Variants in VDAC3 observed in about 807,000 individuals in gnomAD.
VDAC3 encodes voltage dependent anion channel 3, also known as non-selective voltage-gated ion channel VDAC3.
A neutral mutation model predicts 33.9 loss-of-function variants in VDAC3; 7 were observed. The ratio of observed to expected loss-of-function variants is 0.21; its 90% confidence interval spans 0.12 to 0.39. The LOEUF is 0.39. Among genes scored for constraint, VDAC3 ranks in the 10% least tolerant of loss-of-function variants. The pLI, the probability that VDAC3 is intolerant of heterozygous loss-of-function variation, is 1.00. For synonymous variants in VDAC3, 100 were observed against 122.4 expected (o/e 0.82, Z 1.21); for missense variants, 261 against 334.5 (o/e 0.78, Z 1.71).
At chr8:42,395,209 G>C in intron 4 of VDAC3, 76 bp downstream of exon 4, 1 of 1,587,378 alleles carries the variant, frequency 6.3e-7, no homozygotes, top group East Asian at 2.3e-5. Context: ...TGACAGTCTA[G>C]TTACTTGAAC....
At position 42,395,958 on chromosome 8, in the gene VDAC3, T is replaced by TA. The variant is rs543863402; in HGVS notation, c.117+842dup. On this transcript the variant is annotated intron_variant, in intron 4 of 9. Coordinates refer to ENST00000022615, the MANE Select transcript of VDAC3 (RefSeq NM_005662.7). Reference sequence around the variant, plus strand: ...TGGGTGACAGAGTGAGACTTTGTCTTAAAAAAAAAAAAAAAAAGGCCAGGT... The same window carrying TA: ...TGGGTGACAGAGTGAGACTTTGTCTTAAAAAAAAAAAAAAAAAAGGCCAGGT... Among the ~76,000 whole-genome samples, 370 of 119,938 alleles carry TA rather than the reference T, an allele frequency of 3.1e-3. 2 individuals are homozygous for TA. Among genetic ancestry groups the TA allele is most frequent in the Non-Finnish European group, 2.9e-3 (159 of 55,594 alleles). 78.7% of individuals were successfully genotyped at this position (119,938 alleles called of 152,430 possible).
intron 7 of VDAC3, 184 bp downstream of exon 7, chr8:42,402,199 CTGG>C: frequency 1.5e-6 from 1 of 649,102 alleles, no homozygotes; most frequent in Non-Finnish European, 2.6e-6. Context: ...GGCTGTGCTG[CTGG>C]TGGTCACTGG....
chr8:42,393,069 T>A (rs1474857348), intron 1 of VDAC3, among the ~76,000 whole-genome samples: 1 of 151,872 alleles, frequency 6.6e-6, no homozygotes, highest in Non-Finnish European at 1.5e-5. Flanking sequence ...TCCTCTTTAA[T>A]TTTTTTTTCT....
chr8:42,393,894 G>A lies in VDAC3; in HGVS notation c.-3+10G>A. The A allele has an allele frequency of 2.3e-6, 1 of 429,532 alleles. No individual in the cohort carries two copies. Among genetic ancestry groups the A allele is most frequent in the East Asian group, 3.4e-5 (1 of 29,212 alleles). The allele number at this position is 429,532 out of a possible 1,614,324, so 26.6% of individuals were successfully genotyped here. ...GAGAGATTTTTCTAAGGTAAATTTT[G>A]CATATATTTTTAAAAGAAGTCCAGT... On this transcript the variant is annotated intron_variant, in intron 2 of 9. Coordinates refer to ENST00000022615, the MANE Select transcript of VDAC3 (RefSeq NM_005662.7).
At chr8:42,402,051 A>G (rs1279664291) in intron 7 of VDAC3, 36 bp downstream of exon 7, 1 of 1,593,624 alleles carries the variant, frequency 6.3e-7, no homozygotes, top group Non-Finnish European at 8.6e-7. Context: ...GTATCAGTGC[A>G]GTTGCCCAAA....
chr8:42,403,335 T>C lies in VDAC3; in HGVS notation c.576T>C (p.Gly192=), dbSNP rs749866305. The C allele has an allele frequency of 1.5e-5, 24 of 1,614,040 alleles. No individual in the cohort carries two copies. In the African/African-American group the frequency reaches 2.9e-4, roughly 20 times the overall value. Residue 192 remains glycine, a synonymous_variant, in exon 8 of 10, where the codon GGT becomes GGC. Coordinates refer to ENST00000022615, the MANE Select transcript of VDAC3 (RefSeq NM_005662.7). ...THVNDGTEFG[G]SIYQKVNEKI... is the part of the protein sequence containing the mutation. ...GGAACGATGGCACTGAATTTGGAGG[T>C]TCTATCTACCAGAAGGTGAATGAGA...
chr8:42,403,520 ATGT>A lies in VDAC3; in HGVS notation c.702+63_702+65del, dbSNP rs1323337938. ...ATGTTTGTGTCTAAGTTTTCAGAGAATGTTGTGATATGAGTGTAGTTTGCTTGT... is the reference window on the plus strand; with the variant it reads ...ATGTTTGTGTCTAAGTTTTCAGAGAATGTGATATGAGTGTAGTTTGCTTGT... On this transcript the variant is annotated intron_variant, in intron 8 of 9. Coordinates refer to ENST00000022615, the MANE Select transcript of VDAC3 (RefSeq NM_005662.7). 5.5e-5 allele frequency: 80 copies of A among 1,456,986 alleles called. No individual in the cohort carries two copies. In the South Asian group the frequency reaches 1.0e-3, roughly 19 times the overall value. The allele number at this position is 1,456,986 out of a possible 1,614,324, so 90.3% of individuals were successfully genotyped here.
intron 3 of VDAC3, among the ~76,000 whole-genome samples, chr8:42,394,580 A>G (rs1331730420): frequency 6.6e-6 from 1 of 152,218 alleles, no homozygotes; most frequent in Non-Finnish European, 1.5e-5. Flanking sequence ...GGACAATTAA[A>G]TTAGGGGGTA....
intron 7 of VDAC3, 58 bp downstream of exon 7, chr8:42,402,073 A>G: frequency 6.6e-7 from 1 of 1,524,630 alleles, no homozygotes; most frequent in Non-Finnish European, 9.0e-7. Flanking sequence ...TATTGTAGCC[A>G]TTAGCATGCT....
chr8:42,404,162 C>T (rs909625545), intron 8 of VDAC3, among the ~76,000 whole-genome samples: 6 of 152,204 alleles, frequency 3.9e-5, no homozygotes, highest in Admixed American at 2.0e-4. Flanking sequence ...GTGTTATCCT[C>T]ATCCCTGTTT....
At chr8:42,403,485 A>C in intron 8 of VDAC3, 24 bp downstream of exon 8, 1 of 1,542,022 alleles carries the variant, frequency 6.5e-7, no homozygotes, top group East Asian at 2.3e-5. Context: ...GCCAGATTGG[A>C]TCTGCTCTTA....
intron 1 of VDAC3, among the ~76,000 whole-genome samples, chr8:42,392,507 T>C (rs1824888255): frequency 6.6e-6 from 1 of 152,200 alleles, no homozygotes; most frequent in South Asian, 2.1e-4. Flanking sequence ...TCGAGGAACA[T>C]GAAGTTTCTG....
intron 3 of VDAC3, 96 bp downstream of exon 3, chr8:42,394,374 A>T: frequency 3.7e-5 from 40 of 1,073,568 alleles, no homozygotes; most frequent in Non-Finnish European, 5.5e-5. Context: ...AGGGTAAGTC[A>T]GCATTATTCC....
chr8:42,398,971 G>A (rs879126714), intron 5 of VDAC3, 107 bp downstream of exon 5: 1 of 1,342,770 alleles, frequency 7.4e-7, no homozygotes, highest in Admixed American at 2.5e-5. Flanking sequence ...CTATCTAGTA[G>A]CCATATTTTT....
intron 7 of VDAC3, 155 bp from the exon 8 acceptor site, chr8:42,403,156 G>A (rs1053644083): frequency 1.3e-6 from 1 of 756,842 alleles, no homozygotes; most frequent in Non-Finnish European, 2.1e-6. Context: ...ATTTAGTTCT[G>A]TGTTTTGTTT....
At chr8:42,405,194 A>G (rs1193330964) in intron 9 of VDAC3, among the ~76,000 whole-genome samples, 177 bp from the exon 10 acceptor site, 1 of 152,244 alleles carries the variant, frequency 6.6e-6, no homozygotes, top group Non-Finnish European at 1.5e-5. Context: ...TGCCATGATC[A>G]TGCTTTCCTC....
At chr8:42,398,167 ACTT>A (rs1348134465) in intron 4 of VDAC3, among the ~76,000 whole-genome samples, 3 of 152,232 alleles carry the variant, frequency 2.0e-5, no homozygotes, top group East Asian at 3.8e-4. Context: ...CAGTAAAGAT[ACTT>A]CTTTTTTAAA....
chr8:42,401,315 GCC>G (rs2130890083), intron 6 of VDAC3, among the ~76,000 whole-genome samples: 1 of 152,188 alleles, frequency 6.6e-6, no homozygotes, highest in Admixed American at 6.5e-5. Context: ...TCCTGCCTCA[GCC>G]TCCCAAGTAG....
At position 42,404,881 on chromosome 8, in the gene VDAC3, T is replaced by C. The variant is rs1382196773; in HGVS notation, c.717T>C (p.Asn239=). ...CTTAATCTTAGGCTAAAGTAAATAATGCCAGCCTGATTGGACTGGGTTATA... is the reference window on the plus strand; with the variant it reads ...CTTAATCTTAGGCTAAAGTAAATAACGCCAGCCTGATTGGACTGGGTTATA... ...CRTSLSAKVN[N]ASLIGLGYTQ... Residue 239 remains asparagine, a synonymous_variant, in exon 9 of 10, where the codon AAT becomes AAC. Transcript: ENST00000022615. 1.2e-6 allele frequency: 2 copies of C among 1,613,556 alleles called. No homozygotes were observed. Among genetic ancestry groups the C allele is most frequent in the South Asian group, 1.1e-5 (1 of 91,018 alleles).
Sources: gnomAD v4.1 joint callset for allele counts (sites outside exome capture counted in the v4.1 genomes callset) on GRCh38, gnomAD v4.1.1 for gene constraint, MANE v1.5 for transcripts, NCBI Gene and HGNC (gene_info 2026-07-23, HGNC 2026-07-21) for gene names.